LRP1B: variants seen among roughly 807,000 people sequenced by gnomAD.
LRP1B encodes low-density lipoprotein receptor-related protein 1B.
LRP1B carries 217 observed loss-of-function variants against 556.6 expected under a neutral mutation model. The ratio of observed to expected loss-of-function variants is 0.39; its 90% CI spans 0.35 to 0.44. The LOEUF is 0.44. Among genes scored for constraint, LRP1B ranks in the 20% least tolerant of loss-of-function variants. The probability of loss-of-function intolerance (pLI) is 1.00; values close to 1 mark genes in which losing one functional copy is unlikely to be tolerated. For synonymous variants in LRP1B, 2,047 were observed against 1,865.8 expected (o/e 1.10, Z -2.50); for missense variants, 5,053 against 5,620.8 (o/e 0.90, Z 3.23).
intron 32 of LRP1B, among the ~76,000 whole-genome samples, chr2:140,797,162 C>A (rs1690345408): frequency 6.6e-6 from 1 of 151,810 alleles, no homozygotes; most frequent in Non-Finnish European, 1.5e-5. Context: ...AGTCCATATT[C>A]CGTGAATGCT....
chr2:141,422,083 A>C (rs1438847661), intron 3 of LRP1B, among the ~76,000 whole-genome samples: 1 of 152,210 alleles, frequency 6.6e-6, no homozygotes, highest in Non-Finnish European at 1.5e-5. Flanking sequence ...TGACTTTTGC[A>C]AAGTGATACA....
chr2:140,345,913 C>A (rs1681652743), intron 77 of LRP1B, among the ~76,000 whole-genome samples: 1 of 148,238 alleles, frequency 6.7e-6, no homozygotes, highest in Admixed American at 6.8e-5. Flanking sequence ...CATCTCAGCT[C>A]AAATCTCCTC....
intron 3 of LRP1B, among the ~76,000 whole-genome samples, chr2:141,461,005 C>G (rs1681845586): frequency 6.6e-6 from 1 of 151,144 alleles, no homozygotes; most frequent in South Asian, 2.1e-4. Flanking sequence ...ATAGCCAACT[C>G]TCTTTGCAGT....
At chr2:140,901,221 C>T (rs1694096554) in intron 23 of LRP1B, among the ~76,000 whole-genome samples, 1 of 152,026 alleles carries the variant, frequency 6.6e-6, no homozygotes, top group South Asian at 2.1e-4. Context: ...TCATAAACAA[C>T]GACCTCCTTG....
At chr2:140,579,035 C>T (rs902200510) in intron 43 of LRP1B, among the ~76,000 whole-genome samples, 5 of 151,136 alleles carry the variant, frequency 3.3e-5, no homozygotes, top group South Asian at 2.1e-4. Context: ...AACGAGGAGA[C>T]GGAACAGGGG....
chr2:141,275,634 G>A (rs6727930), intron 3 of LRP1B, among the ~76,000 whole-genome samples: 1,632 of 152,258 alleles, frequency 0.011, 30 homozygotes, highest in African/African-American at 0.038. Flanking sequence ...GATAACTTAA[G>A]CCCAGAAGGT....
intron 3 of LRP1B, among the ~76,000 whole-genome samples, chr2:141,447,978 A>G (rs1450928479): frequency 6.6e-6 from 1 of 152,212 alleles, no homozygotes; most frequent in African/African-American, 2.4e-5. Context: ...CAGAGCTGGT[A>G]GGCAGGAACA....
chr2:141,238,215 A>G (rs1031235813), intron 5 of LRP1B, among the ~76,000 whole-genome samples: 46 of 152,070 alleles, frequency 3.0e-4, no homozygotes, highest in Non-Finnish European at 2.2e-4. Flanking sequence ...TGCTTTAAAA[A>G]TCTCCTAGTG....
intron 6 of LRP1B, among the ~76,000 whole-genome samples, chr2:141,190,253 C>T (rs1054768213): frequency 1.3e-5 from 2 of 151,894 alleles, no homozygotes; most frequent in African/African-American, 4.8e-5. Context: ...TCTGTGGAAC[C>T]CCAGTGAGTA....
At chr2:141,869,928 A>G (rs1698529136) in intron 1 of LRP1B, among the ~76,000 whole-genome samples, 1 of 152,090 alleles carries the variant, frequency 6.6e-6, no homozygotes, top group African/African-American at 2.4e-5. Flanking sequence ...TAATGAAAAA[A>G]TGAGGAAGAG....
chr2:141,408,396 G>A (rs747424438), intron 3 of LRP1B, among the ~76,000 whole-genome samples: 16 of 151,768 alleles, frequency 1.1e-4, no homozygotes, highest in Non-Finnish European at 1.5e-4. Flanking sequence ...TGACCGCCTC[G>A]GCCTCCCAAA....
chr2:140,739,202 CAT>C (rs1451306214), intron 35 of LRP1B, among the ~76,000 whole-genome samples: 1 of 152,146 alleles, frequency 6.6e-6, no homozygotes, highest in East Asian at 1.9e-4. Context: ...GAGATAGAGA[CAT>C]GTCAGCCACC....
intron 46 of LRP1B, among the ~76,000 whole-genome samples, chr2:140,535,028 G>T (rs143291452): frequency 6.6e-6 from 1 of 152,138 alleles, no homozygotes; most frequent in Non-Finnish European, 1.5e-5. Flanking sequence ...TTGCCCATAG[G>T]CCAGATCTAG....
intron 6 of LRP1B, among the ~76,000 whole-genome samples, chr2:141,211,546 G>A (rs1682552967): frequency 6.6e-6 from 1 of 152,024 alleles, no homozygotes; most frequent in Admixed American, 6.5e-5. Flanking sequence ...GAACCCGGGA[G>A]GCAGAGGTTG....
At chr2:141,196,059 T>C (rs1574180010) in intron 6 of LRP1B, among the ~76,000 whole-genome samples, 1 of 152,116 alleles carries the variant, frequency 6.6e-6, no homozygotes, top group African/African-American at 2.4e-5. Context: ...TGAGAAAATA[T>C]GAGGTAGCAA....
chr2:141,613,965 C>A (rs923832257), intron 2 of LRP1B, among the ~76,000 whole-genome samples: 1 of 147,200 alleles, frequency 6.8e-6, no homozygotes, highest in Non-Finnish European at 1.5e-5. Context: ...CCCAGCTACT[C>A]GGGAGGCTGA....
intron 1 of LRP1B, among the ~76,000 whole-genome samples, chr2:142,012,885 C>T (rs1702999020): frequency 6.6e-6 from 1 of 152,052 alleles, no homozygotes; most frequent in South Asian, 2.1e-4. Flanking sequence ...TCTCTAATTC[C>T]TCTAGGCTTT....
chr2:141,833,669 A>G (rs1368802328), intron 1 of LRP1B, among the ~76,000 whole-genome samples: 1 of 151,872 alleles, frequency 6.6e-6, no homozygotes, highest in Admixed American at 6.6e-5. Flanking sequence ...GCCAAGAGCG[A>G]GTCATTAGCC....
chr2:140,248,318 C>T (rs759457307), intron 86 of LRP1B, among the ~76,000 whole-genome samples: 5 of 151,466 alleles, frequency 3.3e-5, no homozygotes, highest in Non-Finnish European at 5.9e-5. Context: ...TAGACTTGAA[C>T]ACAATTGGCA....
Sources: allele counts gnomAD v4.1 joint callset (sites outside exome capture counted in the v4.1 genomes callset), GRCh38; gene constraint gnomAD v4.1.1; transcripts MANE v1.5; gene names NCBI Gene and HGNC (gene_info 2026-07-23, HGNC 2026-07-21).